AGBL1: variants seen among roughly 807,000 people sequenced by gnomAD.
The protein encoded by AGBL1 is cytosolic carboxypeptidase 4.
Under a neutral mutation model 118.9 loss-of-function variants are expected in AGBL1, and 130 were observed. The ratio of observed to expected loss-of-function variants is 1.09; its 90% CI spans 0.95 to 1.26. The LOEUF (loss-of-function observed/expected upper bound fraction) is 1.26, where lower values mean the gene tolerates loss of function less well. AGBL1 is among the 50% of genes most tolerant of loss of function. The pLI is 0.00. For synonymous variants in AGBL1, 555 were observed against 478.9 expected, an observed-to-expected ratio of 1.16 and a Z score of -2.08; for missense variants, 1,584 against 1,298.1, an observed-to-expected ratio of 1.22 and a Z score of -3.38.
At chr15:86,878,864 T>C (rs541162883) in intron 22 of AGBL1, among the ~76,000 whole-genome samples, 8 of 152,348 alleles carry the variant, frequency 5.3e-5, no homozygotes, top group Admixed American at 2.6e-4. Context: ...CCTCTCTGTT[T>C]GGAGCTCTCA....
intron 17 of AGBL1, among the ~76,000 whole-genome samples, chr15:86,301,598 A>G (rs2079745706): frequency 6.7e-6 from 1 of 149,640 alleles, no homozygotes; most frequent in Non-Finnish European, 1.5e-5. Flanking sequence ...CACATAGATA[A>G]GTATTATTTA....
intron 1 of AGBL1, among the ~76,000 whole-genome samples, chr15:86,094,998 G>T (rs141705854): frequency 6.6e-6 from 1 of 152,118 alleles, no homozygotes; most frequent in Non-Finnish European, 1.5e-5. Flanking sequence ...CCACAGCTCC[G>T]TCTTCAGGTT....
chr15:86,476,925 A>T lies in AGBL1; in HGVS notation c.2556-45885A>T, dbSNP rs528357281. Among the ~76,000 whole-genome samples, 402 of 152,226 alleles carry T rather than the reference A, an allele frequency of 2.6e-3. 2 individuals are homozygous for T. Among genetic ancestry groups the T allele is most frequent in the African/African-American group, 9.0e-3 (373 of 41,508 alleles). On this transcript the variant is annotated intron_variant, in intron 18 of 22. Coordinates refer to ENST00000614907, the MANE Select transcript of AGBL1 (RefSeq NM_001386094.1). ...TCAAACTAGAACTCAGGATTAAGAAACTCACTCAAAACTGCTCCACTACAT... is the reference window on the plus strand; with the variant it reads ...TCAAACTAGAACTCAGGATTAAGAATCTCACTCAAAACTGCTCCACTACAT...
chr15:86,302,778 CAAAAA>C (rs11345100), intron 17 of AGBL1, among the ~76,000 whole-genome samples: 1 of 95,926 alleles, frequency 1.0e-5, no homozygotes, highest in Non-Finnish European at 2.0e-5. Context: ...GACCCTGTCT[CAAAAA>C]AAAAAAAAAA....
At chr15:86,938,443 A>G (rs1273945088) in intron 23 of AGBL1, among the ~76,000 whole-genome samples, 1 of 152,184 alleles carries the variant, frequency 6.6e-6, no homozygotes, top group African/African-American at 2.4e-5. Flanking sequence ...TACCTCCCTG[A>G]TCTTTTGGAG....
At position 86,963,658 on chromosome 15, in the gene AGBL1, C is replaced by T. The variant is rs184291444; in HGVS notation, c.3222-24329C>T. On this transcript the variant is annotated intron_variant, in intron 23 of 24. Coordinates refer to the AGBL1 transcript ENST00000441037. Reference sequence around the variant, plus strand: ...ATCGGTGTATCCTCACATCACATCACTCGGAGTTAGTGTAGTCTGTAGGTT... The same window carrying T: ...ATCGGTGTATCCTCACATCACATCATTCGGAGTTAGTGTAGTCTGTAGGTT... Among the ~76,000 whole-genome samples, 428 of 152,108 alleles carry T rather than the reference C, an allele frequency of 2.8e-3. 2 individuals are homozygous for T. The highest frequency in any genetic ancestry group is 0.01 in the African/African-American group (416 of 41,546).
intron 1 of AGBL1, among the ~76,000 whole-genome samples, chr15:86,082,234 C>A (rs776338181): frequency 5.3e-5 from 8 of 152,216 alleles, no homozygotes; most frequent in Non-Finnish European, 1.0e-4. Context: ...GTCCTGTCCC[C>A]ATCCCTGCTC....
intron 18 of AGBL1, among the ~76,000 whole-genome samples, chr15:86,432,079 C>G (rs1255865156): frequency 1.3e-5 from 2 of 151,942 alleles, no homozygotes; most frequent in Admixed American, 1.3e-4. Flanking sequence ...AGGTTTTTAA[C>G]TCTGTGGTTC....
chr15:86,966,775 G>A (rs995608518), intron 23 of AGBL1, among the ~76,000 whole-genome samples: 11 of 152,056 alleles, frequency 7.2e-5, no homozygotes, highest in South Asian at 4.2e-4. Flanking sequence ...GAATAATGCC[G>A]CAATAAACAT....
At chr15:86,162,339 C>T (rs573281736) in intron 5 of AGBL1, among the ~76,000 whole-genome samples, 2 of 152,258 alleles carry the variant, frequency 1.3e-5, no homozygotes, top group East Asian at 3.9e-4. Flanking sequence ...ACTCCTCCCT[C>T]CTGTGGAGAT....
intron 17 of AGBL1, among the ~76,000 whole-genome samples, chr15:86,300,340 T>C (rs570156740): frequency 4.3e-4 from 65 of 152,274 alleles, no homozygotes; most frequent in Non-Finnish European, 7.8e-4. Flanking sequence ...AGATGCTTCA[T>C]TTTTCTTAGA....
intron 21 of AGBL1, among the ~76,000 whole-genome samples, chr15:86,612,179 G>A (rs1226195432): frequency 6.6e-6 from 1 of 152,090 alleles, no homozygotes; most frequent in African/African-American, 2.4e-5. Context: ...GAGACCCTAA[G>A]AGATCTGCCT....
At chr15:86,167,526 G>T (rs1342116208) in intron 5 of AGBL1, among the ~76,000 whole-genome samples, 1 of 152,216 alleles carries the variant, frequency 6.6e-6, no homozygotes, top group East Asian at 1.9e-4. Context: ...GATTATAGGC[G>T]TGAACCGCCA....
chr15:86,092,280 G>C (rs1597381983), intron 1 of AGBL1, among the ~76,000 whole-genome samples: 3 of 152,128 alleles, frequency 2.0e-5, no homozygotes, highest in African/African-American at 7.2e-5. Context: ...CCATGTGATT[G>C]TTTGAGTAAA....
At chr15:86,683,810 C>A (rs2086005518) in intron 22 of AGBL1, among the ~76,000 whole-genome samples, 1 of 152,130 alleles carries the variant, frequency 6.6e-6, no homozygotes, top group South Asian at 2.1e-4. Flanking sequence ...TGAAGTTTTC[C>A]CAAACAGGAG....
intron 23 of AGBL1, among the ~76,000 whole-genome samples, chr15:86,965,520 T>G (rs1341988006): frequency 1.3e-5 from 2 of 152,108 alleles, no homozygotes; most frequent in Non-Finnish European, 2.9e-5. Flanking sequence ...CTTTATAGAT[T>G]CTGGATATTA....
chr15:86,485,906 A>T (rs1272275071), intron 18 of AGBL1, among the ~76,000 whole-genome samples: 1 of 152,104 alleles, frequency 6.6e-6, no homozygotes, highest in Non-Finnish European at 1.5e-5. Flanking sequence ...AACCTTGACC[A>T]CATCTCTCCT....
chr15:86,583,911 T>C (rs1391268405), intron 21 of AGBL1, among the ~76,000 whole-genome samples: 1 of 152,196 alleles, frequency 6.6e-6, no homozygotes, highest in East Asian at 1.9e-4. Flanking sequence ...TATTTCATTA[T>C]GGTTTTGATT....
chr15:86,181,619 A>G (rs961786531), intron 5 of AGBL1, among the ~76,000 whole-genome samples: 2 of 152,036 alleles, frequency 1.3e-5, no homozygotes, highest in Admixed American at 1.3e-4. Context: ...TCAAAGGTAC[A>G]TACATGAAAT....
Sources: allele counts gnomAD v4.1 joint callset (sites outside exome capture counted in the v4.1 genomes callset), GRCh38; gene constraint gnomAD v4.1.1; transcripts MANE v1.5; gene names NCBI Gene and HGNC (gene_info 2026-07-23, HGNC 2026-07-21).